The following MAP3K5 variants were observed in gnomAD, a reference collection of about 807,000 sequenced individuals.
MAP3K5 encodes the protein mitogen-activated protein kinase kinase kinase 5.
Under a neutral mutation model 158.7 loss-of-function variants are expected in MAP3K5, and 56 were observed. The ratio of observed to expected loss-of-function variants is 0.35; its 90% CI spans 0.28 to 0.44. The LOEUF is 0.44. MAP3K5 is among the 20% of genes least tolerant of loss of function. The probability of loss-of-function intolerance (pLI) is 1.00; values close to 1 mark genes in which losing one functional copy is unlikely to be tolerated. For missense variants in MAP3K5, 1,294 were observed against 1,674.8 expected (o/e 0.77, Z 3.97); for synonymous variants, 579 against 601.7 (o/e 0.96, Z 0.55).
chr6:136,780,614 G>A (rs1166808797), intron 1 of MAP3K5, among the ~76,000 whole-genome samples: 2 of 152,100 alleles, frequency 1.3e-5, no homozygotes, highest in African/African-American at 4.8e-5. Context: ...TCTCAGGAAG[G>A]GAAATTGATG....
rs1214906386 is a variant in MAP3K5 at position 136,733,834 on chromosome 6, C to G, written c.449-13245G>C. Among the ~76,000 whole-genome samples the G allele has an allele frequency of 2.0e-5, 3 of 152,040 alleles. No homozygotes were observed. In the East Asian group the frequency reaches 5.8e-4, roughly 29 times the overall value. On this transcript the variant is annotated intron_variant, in intron 1 of 29. Coordinates refer to ENST00000359015, the MANE Select transcript of MAP3K5 (RefSeq NM_005923.4). ...AAAGTCCATAGTTTACATTAGGGTT[C>G]ACTCTTGATGCTGTACATTCTTTGG...
Position 136,706,820 on chromosome 6 carries a change from T to C in MAP3K5, c.589-1687A>G, listed in dbSNP as rs1781095933. Among the ~76,000 whole-genome samples, 4 of 152,176 alleles carry C rather than the reference T, an allele frequency of 2.6e-5. No individual in the cohort carries two copies. In the South Asian group the frequency reaches 8.3e-4, roughly 31 times the overall value. ...AAACTGACAGAGGAAAGAATTGCAC[T>C]GGGTAGTTCTGAGGGCCATGAAGAT... is the stretch of plus-strand genomic sequence containing the variant. On this transcript the variant is annotated intron_variant, in intron 2 of 29. Transcript: ENST00000359015.
At chr6:136,625,341 T>C (rs571506255) in intron 14 of MAP3K5, among the ~76,000 whole-genome samples, 27 of 152,232 alleles carry the variant, frequency 1.8e-4, no homozygotes, top group Non-Finnish European at 3.4e-4. Context: ...GGCTATAGTT[T>C]GCTGACCTCT....
intron 3 of MAP3K5, among the ~76,000 whole-genome samples, chr6:136,700,395 T>C (rs751994975): frequency 6.6e-6 from 1 of 151,998 alleles, no homozygotes; most frequent in African/African-American, 2.4e-5. Flanking sequence ...GATAACAACC[T>C]GAGAAAGGGT....
chr6:136,659,290 G>A lies in MAP3K5; in HGVS notation c.1455C>T (p.Ser485=), dbSNP rs950178937. ...CTCTCATGTGGTCATTGGCTAGGAC[G>A]CTGGCCCCCAGAAAAAATCCAACTT... ...YWEVGFFLGA[S]VLANDHMRVI... Residue 485 remains serine (S), a synonymous_variant, in exon 9 of 30, where the codon AGC becomes AGT. Coordinates refer to ENST00000359015, the MANE Select transcript of MAP3K5 (RefSeq NM_005923.4). The A allele has an allele frequency of 1.2e-5, 20 of 1,613,872 alleles. No homozygotes were observed. Among genetic ancestry groups the A allele is most frequent in the Admixed American group, 3.3e-5 (2 of 59,996 alleles).
chr6:136,659,408 C>T (rs1401668397), intron 8 of MAP3K5, 30 bp from the exon 9 acceptor site: 4 of 1,605,022 alleles, frequency 2.5e-6, no homozygotes, highest in Admixed American at 3.3e-5. Context: ...TAGAATGTTA[C>T]AAATGCACCC....
chr6:136,732,350 G>A (rs1197894273), intron 1 of MAP3K5, among the ~76,000 whole-genome samples: 4 of 152,122 alleles, frequency 2.6e-5, no homozygotes, highest in South Asian at 2.1e-4. Context: ...ACTTGAACCC[G>A]GGAAGTGGAA....
intron 2 of MAP3K5, among the ~76,000 whole-genome samples, chr6:136,708,283 T>C (rs1781161373): frequency 8.3e-6 from 1 of 119,782 alleles, no homozygotes; most frequent in South Asian, 2.5e-4. Flanking sequence ...TGAGACAGGA[T>C]CTCGCTATGT....
At chr6:136,602,537 C>G (rs1775923712) in intron 19 of MAP3K5, among the ~76,000 whole-genome samples, 1 of 152,146 alleles carries the variant, frequency 6.6e-6, no homozygotes, top group African/African-American at 2.4e-5. Context: ...CTCCTGGGCT[C>G]AAGCAATCCA....
rs575226153 is a variant in MAP3K5, at chr6:136,681,773, G to A, written c.1253+12367C>T. ...CTACTAAAAATACAAACAAAAATTA[G>A]CCGGGTGTGGTGGCGGGCGCCTGTA... On this transcript the variant is annotated intron_variant, in intron 7 of 29. Transcript: ENST00000359015. 2.0e-5 allele frequency among the ~76,000 whole-genome samples: 3 copies of A among 152,260 alleles called. No individual in the cohort carries two copies. The East Asian group carries it at 5.8e-4, about 29-fold the overall frequency.
chr6:136,616,702 C>CGATGATGAT (rs113611680), intron 15 of MAP3K5, among the ~76,000 whole-genome samples: 2 of 151,098 alleles, frequency 1.3e-5, no homozygotes, highest in African/African-American at 2.4e-5. Context: ...TCAAGTAACT[C>CGATGATGAT]GATGATGATG....
At chr6:136,671,780 AT>A (rs1023253188) in intron 7 of MAP3K5, among the ~76,000 whole-genome samples, 3 of 151,188 alleles carry the variant, frequency 2.0e-5, no homozygotes, top group Non-Finnish European at 4.4e-5. Flanking sequence ...TGCCCGAATA[AT>A]TTTTTTGTAT....
intron 25 of MAP3K5, among the ~76,000 whole-genome samples, chr6:136,572,206 T>A (rs1043963070): frequency 2.0e-5 from 3 of 152,220 alleles, no homozygotes; most frequent in African/African-American, 7.2e-5. Context: ...AGGACAAGAT[T>A]AGACCTTTTA....
chr6:136,646,647 C>G (rs991460172), intron 11 of MAP3K5, among the ~76,000 whole-genome samples: 2 of 152,222 alleles, frequency 1.3e-5, no homozygotes, highest in African/African-American at 4.8e-5. Context: ...TTGAAAATCT[C>G]CTCCTCCAGT....
chr6:136,717,745 G>A (rs1781586449), intron 2 of MAP3K5, among the ~76,000 whole-genome samples: 1 of 152,092 alleles, frequency 6.6e-6, no homozygotes, highest in African/African-American at 2.4e-5. Flanking sequence ...GGTAGCATAG[G>A]ACCTGAGGAA....
chr6:136,697,356 T>C lies in MAP3K5; in HGVS notation c.838A>G (p.Ile280Val). Reference sequence around the variant, plus strand: ...GTGTATAAATTACGAGCTTTCCTGATGTCATTGAGTATAGATTCCCGGAAG... The same window carrying C: ...GTGTATAAATTACGAGCTTTCCTGACGTCATTGAGTATAGATTCCCGGAAG... ...QYFRESILND[I>V]RKARNLYTGK... Residue 280 changes from isoleucine (I) to valine (V), a missense_variant, in exon 5 of 30, where the codon ATC becomes GTC. Transcript: ENST00000359015. 2 of 1,613,150 alleles carry C rather than the reference T, an allele frequency of 1.2e-6. No homozygotes were observed. Among genetic ancestry groups the C allele is most frequent in the Non-Finnish European group, 1.7e-6 (2 of 1,179,460 alleles).
chr6:136,776,212 G>A (rs1665503928), intron 1 of MAP3K5, among the ~76,000 whole-genome samples: 1 of 152,176 alleles, frequency 6.6e-6, no homozygotes, highest in Non-Finnish European at 1.5e-5. Context: ...TCACTTGTAT[G>A]CTATTATGGT....
rs747826509 is a variant in MAP3K5 at position 136,592,499 on chromosome 6, G to A, written c.2994C>T (p.Phe998=). 51 of 1,614,020 alleles carry A rather than the reference G, an allele frequency of 3.2e-5. No individual in the cohort carries two copies. Among genetic ancestry groups the A allele is most frequent in the Middle Eastern group, 3.3e-4 (2 of 6,062 alleles). ...DTELKVDPFS[F]KTRAKSCGER... Reference sequence around the variant, plus strand: ...CTCCGCAGGACTTGGCTCTTGTTTTGAAAGAGAAGGGGTCCACTTTCAACT... The same window carrying A: ...CTCCGCAGGACTTGGCTCTTGTTTTAAAAGAGAAGGGGTCCACTTTCAACT... Residue 998 remains phenylalanine (F), a synonymous_variant, in exon 22 of 30, where the codon TTC becomes TTT. Coordinates refer to ENST00000359015, the MANE Select transcript of MAP3K5 (RefSeq NM_005923.4).
chr6:136,586,082 A>G (rs1329051951), intron 23 of MAP3K5, among the ~76,000 whole-genome samples: 1 of 152,192 alleles, frequency 6.6e-6, no homozygotes, highest in East Asian at 1.9e-4. Context: ...TTTTCATGAG[A>G]TAAGATTATA....
Sources: allele counts gnomAD v4.1 joint callset (sites outside exome capture counted in the v4.1 genomes callset), GRCh38; gene constraint gnomAD v4.1.1; transcripts MANE v1.5; gene names NCBI Gene and HGNC (gene_info 2026-07-23, HGNC 2026-07-21).